CEP128: variants seen among roughly 807,000 people sequenced by gnomAD.
CEP128 encodes centrosomal protein 128kDa.
In CEP128, 132 loss-of-function variants were observed where a neutral mutation model predicts 156.7. The observed-to-expected ratio is 0.84, with a 90% CI of 0.73 to 0.97. CEP128 has a LOEUF of 0.97. Among genes scored for constraint, CEP128 ranks in the 50% least tolerant of loss-of-function variants. The probability of loss-of-function intolerance (pLI) is 0.00; values close to 1 mark genes in which losing one functional copy is unlikely to be tolerated. For synonymous variants in CEP128, 469 were observed against 448.9 expected, an observed-to-expected ratio of 1.04 and a Z score of -0.57; for missense variants, 1,252 against 1,281.9, an observed-to-expected ratio of 0.98 and a Z score of 0.36.
At chr14:80,864,489 A>G (rs1887672501) in intron 8 of CEP128, among the ~76,000 whole-genome samples, 2 of 152,206 alleles carry the variant, frequency 1.3e-5, no homozygotes, top group Non-Finnish European at 2.9e-5. Flanking sequence ...TTATTTAGAC[A>G]TCAGCAACTT....
intron 19 of CEP128, among the ~76,000 whole-genome samples, chr14:80,648,226 C>T (rs2140835235): frequency 6.6e-6 from 1 of 152,116 alleles, no homozygotes; most frequent in East Asian, 1.9e-4. Flanking sequence ...GCAAAAGTAT[C>T]TTTCTACCTC....
chr14:80,900,139 C>T (rs1483726953), intron 6 of CEP128, 110 bp from the exon 7 acceptor site: 6 of 620,436 alleles, frequency 9.7e-6, no homozygotes, highest in Non-Finnish European at 1.3e-5. Context: ...AACCAGATTC[C>T]GTAATATTAT....
chr14:80,817,723 T>C (rs1421570117), intron 13 of CEP128, among the ~76,000 whole-genome samples: 3 of 151,888 alleles, frequency 2.0e-5, no homozygotes, highest in Non-Finnish European at 2.9e-5. Context: ...TCTACTAAAA[T>C]ACAAAAAATT....
chr14:80,581,115 A>T (rs552685982), intron 19 of CEP128, among the ~76,000 whole-genome samples: 7 of 152,290 alleles, frequency 4.6e-5, no homozygotes, highest in Non-Finnish European at 8.8e-5. Flanking sequence ...TCAGTGCCCT[A>T]CATTAATTTA....
chr14:80,825,522 T>G (rs2140017601), intron 13 of CEP128, among the ~76,000 whole-genome samples: 1 of 152,320 alleles, frequency 6.6e-6, no homozygotes, highest in South Asian at 2.1e-4. Context: ...CACATTCAAA[T>G]GACAAACTAA....
intron 19 of CEP128, among the ~76,000 whole-genome samples, chr14:80,615,696 A>G (rs1219117013): frequency 6.6e-6 from 1 of 152,120 alleles, no homozygotes; most frequent in Non-Finnish European, 1.5e-5. Context: ...TAAAAATACA[A>G]AAATTAGCCA....
At chr14:80,742,859 A>G in intron 19 of CEP128, 1 of 520,254 alleles carries the variant, frequency 1.9e-6, no homozygotes. Context: ...ACAGCCAGTA[A>G]ATGCAGTTAT....
intron 19 of CEP128, among the ~76,000 whole-genome samples, chr14:80,628,471 T>C (rs1406010495): frequency 2.6e-5 from 4 of 152,224 alleles, no homozygotes; most frequent in African/African-American, 4.8e-5. Context: ...AATTTCAAAC[T>C]ATGAACTGAC....
chr14:80,745,924 A>G (rs1318631316), intron 18 of CEP128, among the ~76,000 whole-genome samples: 1 of 151,950 alleles, frequency 6.6e-6, no homozygotes, highest in Non-Finnish European at 1.5e-5. Flanking sequence ...TAAAATCAAT[A>G]CAAAAATTAA....
intron 3 of CEP128, among the ~76,000 whole-genome samples, chr14:80,915,053 C>G (rs1399549362): frequency 6.6e-6 from 1 of 152,110 alleles, no homozygotes; most frequent in Non-Finnish European, 1.5e-5. Flanking sequence ...ACTTTACTTA[C>G]TTACTTACTT....
intron 1 of CEP128, among the ~76,000 whole-genome samples, chr14:80,940,845 T>C (rs1886112144): frequency 6.6e-6 from 1 of 152,214 alleles, no homozygotes; most frequent in Non-Finnish European, 1.5e-5. Context: ...TGTATTTGTA[T>C]TAGACAACAC....
At chr14:80,947,332 G>A (rs971472616) in intron 2 of CEP128, among the ~76,000 whole-genome samples, 1 of 151,764 alleles carries the variant, frequency 6.6e-6, no homozygotes, top group Non-Finnish European at 1.5e-5. Context: ...AGAGATGGGG[G>A]GTGACCACAG....
chr14:80,766,723 T>G lies in CEP128; in HGVS notation c.2377-5110A>C, dbSNP rs117999230. Among the ~76,000 whole-genome samples the G allele has an allele frequency of 8.0e-3, 1,213 of 152,236 alleles. 10 individuals are homozygous for G. Among genetic ancestry groups the G allele is most frequent in the Non-Finnish European group, 0.01 (687 of 67,970 alleles). On this transcript the variant is annotated intron_variant, in intron 16 of 24. Coordinates refer to ENST00000555265, the MANE Select transcript of CEP128 (RefSeq NM_152446.5). ...ATAAATCATTAATTTACAAAGGTAA[T>G]TAATGGTTTTCCTTCACTGAAAACT...
intron 14 of CEP128, among the ~76,000 whole-genome samples, chr14:80,482,004 T>C (rs1026586106): frequency 4.6e-5 from 7 of 152,272 alleles, no homozygotes; most frequent in African/African-American, 1.7e-4. Flanking sequence ...CAGCTGTACC[T>C]TGTCAAGGGA....
chr14:80,573,436 G>T (rs76199627), intron 20 of CEP128, among the ~76,000 whole-genome samples: 2 of 152,026 alleles, frequency 1.3e-5, no homozygotes, highest in African/African-American at 4.8e-5. Context: ...AACCAGGCAT[G>T]TTTTTATATT....
chr14:80,730,628 T>C (rs2139522069), intron 19 of CEP128, among the ~76,000 whole-genome samples: 3 of 152,368 alleles, frequency 2.0e-5, no homozygotes, highest in Middle Eastern at 6.8e-3. Context: ...GTTAGTCAGA[T>C]GGAATAGTTC....
chr14:80,536,872 C>A (rs1889507223), intron 21 of CEP128, among the ~76,000 whole-genome samples: 1 of 152,144 alleles, frequency 6.6e-6, no homozygotes, highest in Non-Finnish European at 1.5e-5. Flanking sequence ...TCTAAAAAAT[C>A]AGATGCCCAC....
At chr14:80,891,536 G>A (rs1889098454) in intron 8 of CEP128, among the ~76,000 whole-genome samples, 3 of 149,576 alleles carry the variant, frequency 2.0e-5, no homozygotes, top group Admixed American at 1.3e-4. Context: ...ACCAAAGGCT[G>A]AGAAGGATAG....
At chr14:80,852,933 TA>T (rs953494707) in intron 9 of CEP128, among the ~76,000 whole-genome samples, 51 of 151,052 alleles carry the variant, frequency 3.4e-4, no homozygotes, top group Non-Finnish European at 4.7e-4. Context: ...CAGCAATGTA[TA>T]AAAAAAAATT....
Sources: allele counts gnomAD v4.1 joint callset (sites outside exome capture counted in the v4.1 genomes callset), GRCh38; gene constraint gnomAD v4.1.1; transcripts MANE v1.5; gene names NCBI Gene and HGNC (gene_info 2026-07-23, HGNC 2026-07-21).